Variants in ALLC observed in about 807,000 individuals in gnomAD.
ALLC encodes the protein allantoicase, also known as probable inactive allantoicase.
ALLC carries 40 observed loss-of-function variants against 45.0 expected under a neutral mutation model. The ratio of observed to expected loss-of-function variants is 0.89; its 90% CI spans 0.69 to 1.16. ALLC has a LOEUF of 1.16. Among genes scored for constraint, ALLC ranks in the 50% most tolerant of loss-of-function variants. ALLC has a pLI of 0.00. For synonymous variants in ALLC, 176 were observed against 178.1 expected, an observed-to-expected ratio of 0.99 and a Z score of 0.09; for missense variants, 488 against 493.1, an observed-to-expected ratio of 0.99 and a Z score of 0.10.
the ALLC span, among the ~76,000 whole-genome samples, chr2:3,646,155 A>C: frequency 1.3e-5 from 2 of 152,096 alleles, no homozygotes; most frequent in South Asian, 4.1e-4. Context: ...GAAAGAGTGC[A>C]GGCATGTGTA....
intron 10 of ALLC, among the ~76,000 whole-genome samples, chr2:3,698,527 G>A (rs747858170): frequency 2.0e-5 from 3 of 152,252 alleles, no homozygotes; most frequent in South Asian, 2.1e-4. Context: ...TTTTAAAACC[G>A]TACACCTCTA....
At chr2:3,697,539 C>A in intron 10 of ALLC, 83 bp downstream of exon 10, 2 of 1,130,512 alleles carry the variant, frequency 1.8e-6, no homozygotes, top group Admixed American at 1.9e-5. Context: ...GGACTGAGGA[C>A]ACTGGACTTT....
At chr2:3,667,281 C>T (rs572962015) in intron 1 of ALLC, among the ~76,000 whole-genome samples, 65 of 152,364 alleles carry the variant, frequency 4.3e-4, no homozygotes, top group African/African-American at 1.4e-3. Context: ...GTCACCACCT[C>T]GTCTGTCCCC....
chr2:3,690,830 C>T (rs1388635134), intron 7 of ALLC, among the ~76,000 whole-genome samples: 1 of 152,084 alleles, frequency 6.6e-6, no homozygotes, highest in African/African-American at 2.4e-5. Flanking sequence ...TTTTGGACTT[C>T]ATACTAGAGT....
At chr2:3,700,500 T>A (rs910567919) in intron 10 of ALLC, among the ~76,000 whole-genome samples, 3 of 152,104 alleles carry the variant, frequency 2.0e-5, no homozygotes, top group African/African-American at 7.2e-5. Context: ...AAACAGTAAA[T>A]CCACTTAAGC....
intron 1 of ALLC, among the ~76,000 whole-genome samples, 193 bp from the exon 2 acceptor site, chr2:3,670,903 C>T (rs185612569): frequency 6.8e-4 from 97 of 143,668 alleles, no homozygotes; most frequent in Non-Finnish European, 4.6e-5. Context: ...CCCGTTTCAG[C>T]GTGTTTAAGC....
At chr2:3,651,246 T>C in the ALLC span, among the ~76,000 whole-genome samples, 14 of 140,112 alleles carry the variant, frequency 1.0e-4, no homozygotes, top group Non-Finnish European at 2.1e-4. Context: ...CGGGGAGGTT[T>C]GCAGAGCCAC....
At chr2:3,685,116 T>C (rs1019518724) in intron 7 of ALLC, among the ~76,000 whole-genome samples, 1 of 152,202 alleles carries the variant, frequency 6.6e-6, no homozygotes, top group African/African-American at 2.4e-5. Flanking sequence ...TGTTGTTCTA[T>C]TTTTAGTTTT....
At chr2:3,656,135 G>A (rs369221522), upstream of ALLC, among the ~76,000 whole-genome samples, 6 of 152,342 alleles carry the variant, frequency 3.9e-5, no homozygotes, top group South Asian at 6.2e-4. Context: ...GGAGGAGCCC[G>A]TCCAGGCAGC....
At chr2:3,667,816 G>C (rs1666766272) in intron 1 of ALLC, among the ~76,000 whole-genome samples, 1 of 152,210 alleles carries the variant, frequency 6.6e-6, no homozygotes. Context: ...CCAGGCTGGA[G>C]TGCAATGGCA....
intron 7 of ALLC, among the ~76,000 whole-genome samples, chr2:3,691,884 A>G (rs945556498): frequency 1.4e-4 from 22 of 151,852 alleles, no homozygotes; most frequent in African/African-American, 4.8e-4. Context: ...GCTTCATTCT[A>G]TTCTTAAGAG....
In ALLC at chr2:3,680,621, G is replaced by A. The variant is rs900700036; in HGVS notation, c.298+627G>A. Among the ~76,000 whole-genome samples, 3 of 152,170 alleles carry A rather than the reference G, an allele frequency of 2.0e-5. No homozygotes were observed. The highest frequency in any genetic ancestry group is 6.5e-5 in the Admixed American group (1 of 15,276). ...CGGGTATTTTATTGGGGGAACTTAC[G>A]GACAGAAGCGTGGCCTTGGGCAGCA... On this transcript the variant is annotated intron_variant, in intron 5 of 11. Coordinates refer to ENST00000252505, the MANE Select transcript of ALLC (RefSeq NM_018436.4). The surrounding 1 kb of genome is among the most constrained non-coding windows in gnomAD (Gnocchi z 4.0).
At chr2:3,669,203 G>T (rs1666801868) in intron 1 of ALLC, among the ~76,000 whole-genome samples, 1 of 152,116 alleles carries the variant, frequency 6.6e-6, no homozygotes, top group Non-Finnish European at 1.5e-5. Flanking sequence ...GCCAGGTGTG[G>T]TGGCTCACGC....
chr2:3,664,714 T>C (rs1195848558), intron 1 of ALLC, among the ~76,000 whole-genome samples: 1 of 151,950 alleles, frequency 6.6e-6, no homozygotes, highest in Admixed American at 6.6e-5. Context: ...TGAGACCCTG[T>C]CTCTACAAAA....
chr2:3,680,543 T>C lies in ALLC; in HGVS notation c.298+549T>C, dbSNP rs928722706. ...TATACACAGAGCAGACCTCAGGTGC[T>C]GAAGAAGCCAAGAAACCAAAGAAAG... is the stretch of plus-strand genomic sequence containing the variant. On this transcript the variant is annotated intron_variant, in intron 5 of 11. Coordinates refer to ENST00000252505, the MANE Select transcript of ALLC (RefSeq NM_018436.4). This position sits in a 1 kb window ranked among gnomAD's most constrained non-coding sequence, Gnocchi z 4.0. Among the ~76,000 whole-genome samples, 1 of 152,218 alleles carries C rather than the reference T, an allele frequency of 6.6e-6. No individual in the cohort carries two copies.
chr2:3,652,475 C>T, the ALLC span, among the ~76,000 whole-genome samples: 43 of 152,198 alleles, frequency 2.8e-4, no homozygotes, highest in East Asian at 5.8e-3. Context: ...CATATTTTTC[C>T]ATTTCTATGG....
intron 1 of ALLC, among the ~76,000 whole-genome samples, chr2:3,663,937 C>G (rs1457894993): frequency 6.6e-6 from 1 of 152,182 alleles, no homozygotes; most frequent in Non-Finnish European, 1.5e-5. Flanking sequence ...TAAAATGTGG[C>G]TCATATGACT....
At chr2:3,701,782 TAAG>T (rs1667847613) in intron 11 of ALLC, 146 bp downstream of exon 11, 2 of 1,028,426 alleles carry the variant, frequency 1.9e-6, no homozygotes, top group East Asian at 2.8e-5. Context: ...CTGCAAACTT[TAAG>T]AAGAAAGGCT....
chr2:3,691,746 A>C (rs753037377), intron 7 of ALLC, among the ~76,000 whole-genome samples: 9 of 152,150 alleles, frequency 5.9e-5, no homozygotes, highest in Non-Finnish European at 1.2e-4. Context: ...AACACCAATA[A>C]TTCTTAGATT....
Sources: gnomAD v4.1 joint callset for allele counts (sites outside exome capture counted in the v4.1 genomes callset) on GRCh38, gnomAD v4.1.1 for gene constraint, Gnocchi (gnomAD v3.1) non-coding constraint, MANE v1.5 for transcripts, NCBI Gene and HGNC (gene_info 2026-07-23, HGNC 2026-07-21) for gene names.